MUL1: variants seen among roughly 807,000 people sequenced by gnomAD.
The protein encoded by MUL1 is mitochondrial ubiquitin ligase activator of NFKB 1.
Under a neutral mutation model 34.1 loss-of-function variants are expected in MUL1, and 30 were observed. That is an observed-to-expected ratio of 0.88 (90% CI 0.66 to 1.19). The LOEUF (loss-of-function observed/expected upper bound fraction) is 1.19. Ranked by LOEUF, MUL1 falls within the 50% of genes most tolerant of loss-of-function variation. The pLI, the probability that MUL1 is intolerant of heterozygous loss-of-function variation, is 0.00. For missense variants in MUL1, 419 were observed against 450.5 expected (o/e 0.93, Z 0.63); for synonymous variants, 191 against 187.8 (o/e 1.02, Z -0.14).
Position 20,500,814 on chromosome 1 carries a change from C to T in MUL1, c.935G>A (p.Cys312Tyr). 1 of 1,614,196 alleles carries T rather than the reference C, an allele frequency of 6.2e-7. No individual in the cohort carries two copies. The highest frequency in any genetic ancestry group is 8.5e-7 in the Non-Finnish European group (1 of 1,180,036). ...CVVCLSSFKSCVFLECGHVCS... is the reference protein window; with the variant it reads ...CVVCLSSFKSYVFLECGHVCS... ...AACGTGCCCACACTCCAGAAAGACGCAGGACTTGAAGCTGCTCAGACACAC... is the reference window on the plus strand; with the variant it reads ...AACGTGCCCACACTCCAGAAAGACGTAGGACTTGAAGCTGCTCAGACACAC... The change falls in exon 4 of 4, where the codon TGC (cysteine) becomes TAC (tyrosine). Residue 312 changes from cysteine to tyrosine, a missense_variant. Coordinates refer to ENST00000264198, the MANE Select transcript of MUL1 (RefSeq NM_024544.3).
At chr1:20,507,424 T>C (rs1000469709) in intron 1 of MUL1, among the ~76,000 whole-genome samples, 1 of 152,158 alleles carries the variant, frequency 6.6e-6, no homozygotes, top group Admixed American at 6.5e-5. Flanking sequence ...CATCTCCTCC[T>C]AGGCTCTGCT....
chr1:20,503,130 A>C, intron 2 of MUL1, 92 bp downstream of exon 2: 1 of 887,932 alleles, frequency 1.1e-6, no homozygotes, highest in Non-Finnish European at 1.8e-6. Flanking sequence ...TGGACCCAAC[A>C]CCACAAAAGG....
rs564842546 is a variant in MUL1, at chr1:20,500,486, A to G, written c.*204T>C. ...GGGTGAGGCTCTGATGAGGCTGCAC[A>G]TGGACAGGGTCCCCTCTCAGGTGGG... On this transcript the variant is annotated 3_prime_UTR_variant, in exon 4 of 4. Coordinates refer to ENST00000264198, the MANE Select transcript of MUL1 (RefSeq NM_024544.3). The G allele has an allele frequency of 5.0e-6, 3 of 603,368 alleles. No individual in the cohort carries two copies. The highest frequency in any genetic ancestry group is 6.6e-5 in the Admixed American group (2 of 30,200). The allele number at this position is 603,368 out of a possible 1,614,324, so 37.4% of individuals were successfully genotyped here. A position where few individuals can be genotyped will look rare whatever the true frequency, so the allele number is the denominator to read the frequency against.
chr1:20,507,894 C>T lies in MUL1; in HGVS notation c.120+11G>A. 6.3e-7 allele frequency: 1 copy of T among 1,596,784 alleles called. No homozygotes were observed. The highest frequency in any genetic ancestry group is 8.5e-7 in the Non-Finnish European group (1 of 1,172,420). ...TGACCCGGCTGAGGCCAGGCCGGCT[C>T]CAGCACTGACCTTGAGCTCTTGGGA... On this transcript the variant is annotated intron_variant, in intron 1 of 3. Coordinates refer to ENST00000264198, the MANE Select transcript of MUL1 (RefSeq NM_024544.3).
At chr1:20,503,103 A>G (rs2051680213) in intron 2 of MUL1, 119 bp downstream of exon 2, 3 of 628,168 alleles carry the variant, frequency 4.8e-6, no homozygotes, top group Admixed American at 6.7e-5. Context: ...TCTGACCCCA[A>G]AGTATGTTCT....
In MUL1 at chr1:20,504,618, A is replaced by G. The variant is rs189810503; in HGVS notation, c.121-1309T>C. 2.9e-3 allele frequency among the ~76,000 whole-genome samples: 445 copies of G among 152,358 alleles called. 1 individual carries two copies. Among genetic ancestry groups the G allele is most frequent in the African/African-American group, 8.6e-3 (358 of 41,586 alleles). ...CTGTGAAGATACCAAAATGACAGCA[A>G]TAACAACTAACAATTTACTCATTAT... On this transcript the variant is annotated intron_variant, in intron 1 of 3. Coordinates refer to ENST00000264198, the MANE Select transcript of MUL1 (RefSeq NM_024544.3).
chr1:20,507,203 A>C (rs895790024), intron 1 of MUL1, among the ~76,000 whole-genome samples: 1 of 152,252 alleles, frequency 6.6e-6, no homozygotes, highest in African/African-American at 2.4e-5. Context: ...GCGACACAGC[A>C]AGACTCCATC....
At position 20,499,698 on chromosome 1, in the gene MUL1, G is replaced by A. The variant is rs896215812; in HGVS notation, c.*992C>T. The A allele has an allele frequency of 6.6e-6, 1 of 151,898 alleles. No homozygotes were observed. Among genetic ancestry groups the A allele is most frequent in the Non-Finnish European group, 1.5e-5 (1 of 67,988 alleles). 9.4% of individuals were successfully genotyped at this position (151,898 alleles called of 1,614,324 possible). ...GGTGAGGGGCAAATGGTAATACTGG[G>A]AGGGGGTAACACAAGGAGAAGCGAC... On this transcript the variant is annotated 3_prime_UTR_variant, in exon 4 of 4. Coordinates refer to ENST00000264198, the MANE Select transcript of MUL1 (RefSeq NM_024544.3).
At position 20,507,981 on chromosome 1, in the gene MUL1, A is replaced by T. The variant is rs1429481352; in HGVS notation, c.44T>A (p.Leu15Gln). 8 of 1,592,210 alleles carry T rather than the reference A, an allele frequency of 5.0e-6. No homozygotes were observed. The highest frequency in any genetic ancestry group is 2.3e-5 in the East Asian group (1 of 44,148). Residue 15 changes from leucine (L) to glutamine (Q), a missense_variant, in exon 1 of 4, where the codon CTG becomes CAG. Physicochemically the swap from Leu to Gln is moderately radical, Grantham distance 113. Transcript: ENST00000264198. ...GRPSLCQFIL[L>Q]GTTSVVTAAL... is the part of the protein sequence containing the mutation. ...GGCGGTGACCACAGAGGTGGTGCCC[A>T]GGAGGATGAACTGGCACAGCGAGGG...
rs1306288524 is a variant in MUL1 at position 20,502,199 on chromosome 1, C to T, written c.209-10G>A. On this transcript the variant is annotated splice_polypyrimidine_tract_variant and intron_variant, in intron 2 of 3. Coordinates refer to ENST00000264198, the MANE Select transcript of MUL1 (RefSeq NM_024544.3). Reference sequence around the variant, plus strand: ...ACAGACCGCACAGCTCCTAAGTGGACACAAATTCTATTATTTCTGAAGAAG... The same window carrying T: ...ACAGACCGCACAGCTCCTAAGTGGATACAAATTCTATTATTTCTGAAGAAG... The T allele has an allele frequency of 1.2e-6, 2 of 1,613,584 alleles. No individual in the cohort carries two copies. The highest frequency in any genetic ancestry group is 2.2e-5 in the East Asian group (1 of 44,868).
chr1:20,501,711 G>A lies in MUL1; in HGVS notation c.330-292C>T, dbSNP rs144458569. 6.6e-6 allele frequency among the ~76,000 whole-genome samples: 1 copy of A among 152,236 alleles called. No individual in the cohort carries two copies. Among genetic ancestry groups the A allele is most frequent in the East Asian group, 1.9e-4 (1 of 5,186 alleles). ...TTGGAAAACTGATATTTCATATGAT[G>A]GCACAAAAGCATTTTAGGAAATACT... On this transcript the variant is annotated intron_variant, in intron 3 of 3. Transcript: ENST00000264198. This position sits in a 1 kb window ranked among gnomAD's most constrained non-coding sequence, Gnocchi z 4.2.
chr1:20,500,439 G>T lies in MUL1; in HGVS notation c.*251C>A. ...CTCGCACTGATCTGGCTCCTGGGAGGAGACGCCACGGCATCCTCCCAGGGT... is the reference window on the plus strand; with the variant it reads ...CTCGCACTGATCTGGCTCCTGGGAGTAGACGCCACGGCATCCTCCCAGGGT... On this transcript the variant is annotated 3_prime_UTR_variant, in exon 4 of 4. Transcript: ENST00000264198. The T allele has an allele frequency of 4.6e-6, 2 of 433,754 alleles. No individual in the cohort carries two copies. Among genetic ancestry groups the T allele is most frequent in the Non-Finnish European group, 4.1e-6 (1 of 243,582 alleles). The allele number at this position is 433,754 out of a possible 1,614,324, so 26.9% of individuals were successfully genotyped here. A position where few individuals can be genotyped will look rare whatever the true frequency, so the allele number is the denominator to read the frequency against.
rs1024653408 is a variant in MUL1, at chr1:20,501,912, G to A, written c.329+157C>T. 6.6e-6 allele frequency among the ~76,000 whole-genome samples: 1 copy of A among 152,162 alleles called. No individual in the cohort carries two copies. The highest frequency in any genetic ancestry group is 1.5e-5 in the Non-Finnish European group (1 of 68,022). Reference sequence around the variant, plus strand: ...AGATGCCTCGGTGATTCCGACATAGGAGGCCCACAGGCTACACACAAGAAT... The same window carrying A: ...AGATGCCTCGGTGATTCCGACATAGAAGGCCCACAGGCTACACACAAGAAT... On this transcript the variant is annotated intron_variant, in intron 3 of 3. Transcript: ENST00000264198. This position sits in a 1 kb window ranked among gnomAD's most constrained non-coding sequence, Gnocchi z 4.2.
chr1:20,508,020 T>C lies in MUL1; in HGVS notation c.5A>G (p.Glu2Gly). ...GCACAGCGAGGGCCGCCCTCCGCTC[T>C]CCATGACGGCGGCGAGCCCCGGTGG... M[E>G]SGGRPSLCQF... The change falls in exon 1 of 4, where the codon GAG becomes GGG. Residue 2 changes from glutamate (E) to glycine (G), a missense_variant. Glu to Gly is a moderately conservative substitution (Grantham distance 98). Coordinates refer to ENST00000264198, the MANE Select transcript of MUL1 (RefSeq NM_024544.3). 4 of 1,583,740 alleles carry C rather than the reference T, an allele frequency of 2.5e-6. No individual in the cohort carries two copies. The highest frequency in any genetic ancestry group is 3.4e-6 in the Non-Finnish European group (4 of 1,166,546).
At position 20,508,070 on chromosome 1, in the gene MUL1, C is replaced by A; in HGVS notation, c.-46G>T. On this transcript the variant is annotated 5_prime_UTR_variant, in exon 1 of 4. It adds an upstream start codon to the 5' untranslated region. Transcript: ENST00000264198. ...GCCGACTGTGGCGCCAAGGATAGGC[C>A]TGGTGACCCCCGACTCTCCACCTCC... 1 of 1,561,314 alleles carries A rather than the reference C, an allele frequency of 6.4e-7. No homozygotes were observed. The highest frequency in any genetic ancestry group is 1.9e-5 in the Admixed American group (1 of 51,930).
In MUL1 at chr1:20,500,880, G is replaced by A; in HGVS notation, c.869C>T (p.Ala290Val). Residue 290 changes from alanine (A) to valine (V), a missense_variant, in exon 4 of 4, where the codon GCC becomes GTC. Physicochemically the swap from Ala to Val is moderately conservative, Grantham distance 64. Coordinates refer to ENST00000264198, the MANE Select transcript of MUL1 (RefSeq NM_024544.3). ...QEHEAQLLSR[A>V]KPEDRESLKS... ...CAGACTCTCCCTGTCCTCAGGCTTGGCTCGGCTCAGCAGCTGGGCCTCATG... is the reference window on the plus strand; with the variant it reads ...CAGACTCTCCCTGTCCTCAGGCTTGACTCGGCTCAGCAGCTGGGCCTCATG... The A allele has an allele frequency of 5.0e-6, 8 of 1,614,104 alleles. No individual in the cohort carries two copies. The highest frequency in any genetic ancestry group is 6.8e-6 in the Non-Finnish European group (8 of 1,179,976).
At position 20,500,664 on chromosome 1, in the gene MUL1, G is replaced by A; in HGVS notation, c.*26C>T. On this transcript the variant is annotated 3_prime_UTR_variant, in exon 4 of 4. Transcript: ENST00000264198. ...TGAAAAGGGGGCAGGGGTGCTTCCA[G>A]GTCAAGCTGTGCGGCTTCCAAACTA... 6.5e-7 allele frequency: 1 copy of A among 1,531,128 alleles called. No homozygotes were observed. Among genetic ancestry groups the A allele is most frequent in the Non-Finnish European group, 8.8e-7 (1 of 1,138,224 alleles). 94.8% of individuals were successfully genotyped at this position (1,531,128 alleles called of 1,614,324 possible). A position where few individuals can be genotyped will look rare whatever the true frequency, so the allele number is the denominator to read the frequency against.
intron 2 of MUL1, among the ~76,000 whole-genome samples, chr1:20,502,618 C>T (rs1570333505): frequency 1.3e-5 from 2 of 152,304 alleles, no homozygotes; most frequent in Middle Eastern, 6.8e-3. Flanking sequence ...ACTGCAACCT[C>T]CGCCTCCCGG....
Position 20,501,374 on chromosome 1 carries a change from G to C in MUL1, c.375C>G (p.Pro125=), listed in dbSNP as rs751677130. The change falls in exon 4 of 4, where the codon CCC becomes CCG. Residue 125 remains proline (P), a synonymous_variant. Transcript: ENST00000264198. The surrounding 1 kb of genome is among the most constrained non-coding windows in gnomAD (Gnocchi z 4.2). ...KIIHQRTNTV[P]FDLVPHEDGV... is the part of the protein sequence containing the mutation. ...CATCCTCGTGGGGCACCAGGTCAAA[G>C]GGCACTGTGTTGGTCCTCTGATGAA... 3 of 1,614,094 alleles carry C rather than the reference G, an allele frequency of 1.9e-6. No homozygotes were observed. Among genetic ancestry groups the C allele is most frequent in the Non-Finnish European group, 1.7e-6 (2 of 1,180,028 alleles).
Sources: gnomAD v4.1 joint callset for allele counts (sites outside exome capture counted in the v4.1 genomes callset) on GRCh38, gnomAD v4.1.1 for gene constraint, Gnocchi (gnomAD v3.1) non-coding constraint, MANE v1.5 for transcripts, NCBI Gene and HGNC (gene_info 2026-07-23, HGNC 2026-07-21) for gene names.